Variants in HGF observed in about 807,000 individuals in gnomAD.
HGF encodes the protein hepatocyte growth factor, also known as fibroblast-derived tumor cytotoxic factor.
HGF carries 39 observed loss-of-function variants against 111.6 expected under a neutral mutation model. That is an observed-to-expected ratio of 0.35 (90% confidence interval 0.27 to 0.46). HGF has a LOEUF of 0.46. Among genes scored for constraint, HGF ranks in the 20% least tolerant of loss-of-function variants. The pLI, the probability that HGF is intolerant of heterozygous loss-of-function variation, is 1.00. For missense variants in HGF, 735 were observed against 910.5 expected, an observed-to-expected ratio of 0.81 and a Z score of 2.48; for synonymous variants, 285 against 294.8, an observed-to-expected ratio of 0.97 and a Z score of 0.34.
intron 17 of HGF, among the ~76,000 whole-genome samples, chr7:81,704,064 G>C (rs373285817): frequency 6.6e-6 from 1 of 151,558 alleles, no homozygotes; most frequent in South Asian, 2.1e-4. Context: ...TATTTCAGTG[G>C]CTAAATTACC....
At chr7:81,764,877 A>C (rs1036154368) in intron 1 of HGF, among the ~76,000 whole-genome samples, 9 of 152,028 alleles carry the variant, frequency 5.9e-5, no homozygotes, top group Non-Finnish European at 1.3e-4. Context: ...ACTATTTCTA[A>C]GGTGCTTTGA....
At chr7:81,732,583 C>A (rs1475271265) in intron 7 of HGF, among the ~76,000 whole-genome samples, 1 of 152,138 alleles carries the variant, frequency 6.6e-6, no homozygotes, top group Non-Finnish European at 1.5e-5. Context: ...TAGTTACAAT[C>A]TGAAGCAATA....
At chr7:81,703,098 G>A (rs2115745356) in intron 17 of HGF, among the ~76,000 whole-genome samples, 1 of 151,682 alleles carries the variant, frequency 6.6e-6, no homozygotes, top group Non-Finnish European at 1.5e-5. Flanking sequence ...TAATAAGGTA[G>A]ATTTGATATT....
At chr7:81,704,441 A>G (rs1447263045) in intron 17 of HGF, among the ~76,000 whole-genome samples, 2 of 151,748 alleles carry the variant, frequency 1.3e-5, no homozygotes, top group African/African-American at 2.4e-5. Context: ...ATAATGAACA[A>G]TGGTTTCATT....
intron 5 of HGF, among the ~76,000 whole-genome samples, chr7:81,748,802 T>A (rs1788378199): frequency 6.6e-6 from 1 of 152,196 alleles, no homozygotes; most frequent in Non-Finnish European, 1.5e-5. Flanking sequence ...AATAGTAGAA[T>A]ACTACAAAAA....
rs1204415901 is a variant in HGF, at chr7:81,758,807, GA to G, written c.255-4del. ...TTGCTTTATCAAAAACAAAAGCCCTGAAAAAAATATCAGAATGAAAAGAAGA... is the reference window on the plus strand; with the variant it reads ...TTGCTTTATCAAAAACAAAAGCCCTGAAAAAATATCAGAATGAAAAGAAGA... On this transcript the variant is annotated splice_polypyrimidine_tract_variant and splice_region_variant and intron_variant, in intron 2 of 17. Coordinates refer to ENST00000222390, the MANE Select transcript of HGF (RefSeq NM_000601.6). 2.5e-5 allele frequency: 39 copies of G among 1,577,148 alleles called. No homozygotes were observed. Among genetic ancestry groups the G allele is most frequent in the Non-Finnish European group, 3.3e-5 (38 of 1,147,444 alleles).
At chr7:81,761,555 T>TAA (rs200187303) in intron 2 of HGF, among the ~76,000 whole-genome samples, 73 of 137,130 alleles carry the variant, frequency 5.3e-4, no homozygotes, top group African/African-American at 1.9e-3. Flanking sequence ...ATGACCCTGT[T>TAA]AAAAAAAAAA....
intron 3 of HGF, 111 bp from the exon 4 acceptor site, chr7:81,757,414 A>T: frequency 1.5e-6 from 1 of 677,850 alleles, no homozygotes; most frequent in East Asian, 2.7e-5. Context: ...ACTATTTCAA[A>T]TAACATTGAA....
At position 81,705,406 on chromosome 7, in the gene HGF, C is replaced by A. The variant is rs776576073; in HGVS notation, c.1994G>T (p.Gly665Val). The A allele has an allele frequency of 6.8e-6, 11 of 1,612,658 alleles. No individual in the cohort carries two copies. The highest frequency in any genetic ancestry group is 8.5e-6 in the Non-Finnish European group (10 of 1,179,008). The change falls in exon 17 of 18, where the codon GGA becomes GTA. Residue 665 changes from glycine to valine, a missense_variant. By Grantham distance (109) the Gly-to-Val change is moderately radical. Transcript: ENST00000222390. ...SEICAGAEKIGSGPCEGDYGG... is the reference protein window; with the variant it reads ...SEICAGAEKIVSGPCEGDYGG... The stretch of plus-strand genomic sequence containing the variant: ...CCTTTTTACCTCACATGGTCCTGAT[C>A]CAATCTTTTCAGCCCCAGCACATAT...
intron 7 of HGF, among the ~76,000 whole-genome samples, chr7:81,736,893 G>GT (rs1212269604): frequency 7.5e-4 from 96 of 127,554 alleles, no homozygotes; most frequent in Non-Finnish European, 1.3e-3. Flanking sequence ...ATGTGTAGAG[G>GT]GGTGTGTGTG....
At chr7:81,703,498 A>G (rs544544037) in intron 17 of HGF, among the ~76,000 whole-genome samples, 24 of 150,638 alleles carry the variant, frequency 1.6e-4, no homozygotes, top group African/African-American at 5.8e-4. Flanking sequence ...AGATGAACAG[A>G]TAGCTTTATT....
In HGF at chr7:81,709,223, A is replaced by G. The variant is rs923250150; in HGVS notation, c.1541+924T>C. Reference sequence around the variant, plus strand: ...TTTGAAGGAGAAGGAATTTTCAGGCATAAAACATGGAGGAAGAAAGCCACA... The same window carrying G: ...TTTGAAGGAGAAGGAATTTTCAGGCGTAAAACATGGAGGAAGAAAGCCACA... On this transcript the variant is annotated intron_variant, in intron 13 of 17. Transcript: ENST00000222390. 2.6e-5 allele frequency among the ~76,000 whole-genome samples: 4 copies of G among 152,232 alleles called. No homozygotes were observed. The South Asian group carries it at 8.3e-4, about 32-fold the overall frequency.
At chr7:81,737,444 C>T (rs991125620) in intron 7 of HGF, among the ~76,000 whole-genome samples, 7 of 152,004 alleles carry the variant, frequency 4.6e-5, no homozygotes, top group African/African-American at 1.2e-4. Flanking sequence ...GTTCTTAGAG[C>T]GTCCTGGGAC....
intron 5 of HGF, 134 bp from the exon 6 acceptor site, chr7:81,745,254 T>C (rs1021507510): frequency 1.2e-6 from 1 of 847,976 alleles, no homozygotes; most frequent in African/African-American, 1.7e-5. Context: ...TAACTTTTTA[T>C]TAGGGCCTAA....
chr7:81,711,747 G>A (rs549140306), intron 11 of HGF, among the ~76,000 whole-genome samples: 22 of 152,114 alleles, frequency 1.4e-4, no homozygotes, highest in Non-Finnish European at 1.0e-4. Context: ...AGGTTCAAGC[G>A]ATTCTCCTGA....
chr7:81,727,628 G>A (rs1790053820), intron 8 of HGF, among the ~76,000 whole-genome samples: 1 of 151,944 alleles, frequency 6.6e-6, no homozygotes, highest in African/African-American at 2.4e-5. Context: ...AATTTTACAT[G>A]AACTTTGCAT....
chr7:81,750,026 A>G (rs1562898470), intron 5 of HGF, among the ~76,000 whole-genome samples: 1 of 152,150 alleles, frequency 6.6e-6, no homozygotes, highest in Non-Finnish European at 1.5e-5. Flanking sequence ...TTTAATTTGT[A>G]TCCATGGATA....
chr7:81,749,682 T>A (rs1788412753), intron 5 of HGF, among the ~76,000 whole-genome samples: 1 of 152,038 alleles, frequency 6.6e-6, no homozygotes, highest in Admixed American at 6.6e-5. Context: ...TTATTCCTCT[T>A]ATCTAACTGG....
At chr7:81,704,315 A>C (rs1330522900) in intron 17 of HGF, among the ~76,000 whole-genome samples, 1 of 151,722 alleles carries the variant, frequency 6.6e-6, no homozygotes, top group African/African-American at 2.4e-5. Context: ...TAATGACAAT[A>C]ATTAGATGAT....
Sources: allele counts gnomAD v4.1 joint callset (sites outside exome capture counted in the v4.1 genomes callset), GRCh38; gene constraint gnomAD v4.1.1; transcripts MANE v1.5; gene names NCBI Gene and HGNC (gene_info 2026-07-23, HGNC 2026-07-21).